Variants in EIF4G3 observed in about 807,000 individuals in gnomAD.
EIF4G3 encodes eukaryotic translation initiation factor 4 gamma 3.
A neutral mutation model predicts 186.4 loss-of-function variants in EIF4G3; 34 were observed. That is an observed-to-expected ratio of 0.18 (90% CI 0.14 to 0.24). EIF4G3 has a LOEUF of 0.24. EIF4G3 is among the 10% of genes least tolerant of loss of function. The pLI is 1.00. For missense variants in EIF4G3, 1,536 were observed against 1,948.5 expected (o/e 0.79, Z 3.99); for synonymous variants, 673 against 679.5 (o/e 0.99, Z 0.15).
At chr1:20,832,101 CAT>C (rs1178229956) in intron 30 of EIF4G3, among the ~76,000 whole-genome samples, 2 of 148,048 alleles carry the variant, frequency 1.4e-5, no homozygotes, top group African/African-American at 2.5e-5. Context: ...CAGCATGATT[CAT>C]AGTCCTTTAG....
intron 4 of EIF4G3, among the ~76,000 whole-genome samples, chr1:21,014,360 T>C (rs2088183640): frequency 6.6e-6 from 1 of 152,192 alleles, no homozygotes; most frequent in Admixed American, 6.5e-5. Context: ...ATGTGCAGCT[T>C]TGTTAAACAG....
chr1:20,840,775 C>A, intron 30 of EIF4G3, 81 bp downstream of exon 30: 2 of 1,326,152 alleles, frequency 1.5e-6, no homozygotes, highest in South Asian at 1.4e-5. Flanking sequence ...AAACTAAATA[C>A]TTAAAGAGGT....
chr1:21,066,540 C>T (rs531500026), intron 3 of EIF4G3, among the ~76,000 whole-genome samples: 1 of 152,198 alleles, frequency 6.6e-6, no homozygotes, highest in Non-Finnish European at 1.5e-5. Context: ...TAAGCAACCA[C>T]AGAATGACAG....
chr1:21,103,262 T>C (rs1019240130), intron 2 of EIF4G3, among the ~76,000 whole-genome samples: 1 of 152,156 alleles, frequency 6.6e-6, no homozygotes, highest in East Asian at 1.9e-4. Flanking sequence ...CCCTCTTCCA[T>C]ACTCTTGACT....
intron 2 of EIF4G3, among the ~76,000 whole-genome samples, chr1:21,173,715 C>T (rs760236111): frequency 9.2e-5 from 14 of 152,218 alleles, no homozygotes; most frequent in Non-Finnish European, 1.8e-4. Context: ...ACTGTCTGAA[C>T]TTATTAATTC....
At chr1:21,077,287 GC>G (rs1460487953) in intron 3 of EIF4G3, among the ~76,000 whole-genome samples, 1 of 151,708 alleles carries the variant, frequency 6.6e-6, no homozygotes, top group African/African-American at 2.4e-5. Context: ...TGTAGTCCCA[GC>G]TACTCAGGAA....
intron 22 of EIF4G3, 29 bp downstream of exon 22, chr1:20,864,447 C>A (rs780721413): frequency 3.4e-5 from 53 of 1,557,916 alleles, no homozygotes; most frequent in Non-Finnish European, 4.2e-5. Flanking sequence ...GGAGCCTTTG[C>A]GAAGGTTTCT....
intron 18 of EIF4G3, among the ~76,000 whole-genome samples, chr1:20,890,454 T>A (rs1445752353): frequency 6.6e-6 from 1 of 152,016 alleles, no homozygotes; most frequent in Non-Finnish European, 1.5e-5. Context: ...TTCTGTCCTG[T>A]TTTTTTGAGA....
intron 2 of EIF4G3, among the ~76,000 whole-genome samples, chr1:21,163,772 G>C (rs981117914): frequency 1.3e-5 from 2 of 151,972 alleles, no homozygotes; most frequent in Non-Finnish European, 2.9e-5. Flanking sequence ...TTTTTTGTTT[G>C]TTTTGTTTTG....
rs187918221 is a variant in EIF4G3, at chr1:21,074,619, C to A, written c.-196+14519G>T. ...AAGAAAATTTCATTACTTTTCCATA[C>A]CAAATAATTCAAACGCATTAAACAG... On this transcript the variant is annotated intron_variant, in intron 3 of 36. Transcript: ENST00000602326. Among the ~76,000 whole-genome samples, 681 of 152,022 alleles carry A rather than the reference C, an allele frequency of 4.5e-3. 5 individuals carry two copies. Among genetic ancestry groups the A allele is most frequent in the African/African-American group, 0.016 (646 of 41,462 alleles).
chr1:20,820,612 T>C (rs2062100273), intron 33 of EIF4G3, among the ~76,000 whole-genome samples: 1 of 152,144 alleles, frequency 6.6e-6, no homozygotes, highest in Non-Finnish European at 1.5e-5. Context: ...TAGGGGCTCA[T>C]GGTGCCTCTT....
intron 3 of EIF4G3, among the ~76,000 whole-genome samples, chr1:21,087,182 T>C (rs2096013539): frequency 6.6e-6 from 1 of 152,204 alleles, no homozygotes; most frequent in South Asian, 2.1e-4. Flanking sequence ...GTATCCTATC[T>C]ATATCCACAG....
chr1:20,981,629 TATAC>T (rs1474254243), intron 8 of EIF4G3, among the ~76,000 whole-genome samples: 1 of 123,294 alleles, frequency 8.1e-6, no homozygotes, highest in Non-Finnish European at 1.7e-5. Flanking sequence ...TACATACATG[TATAC>T]GCACATACTG....
chr1:20,850,231 G>T (rs2072858084), intron 28 of EIF4G3, among the ~76,000 whole-genome samples: 2 of 152,184 alleles, frequency 1.3e-5, no homozygotes, highest in South Asian at 4.1e-4. Flanking sequence ...TGTGCATCTG[G>T]TAAGTGTACA....
intron 30 of EIF4G3, among the ~76,000 whole-genome samples, chr1:20,837,556 C>G (rs2067130976): frequency 6.6e-6 from 1 of 152,160 alleles, no homozygotes; most frequent in African/African-American, 2.4e-5. Context: ...GCGAGCTAGG[C>G]AGAAACTGCT....
chr1:21,084,227 A>C (rs966349999), intron 3 of EIF4G3, among the ~76,000 whole-genome samples: 3 of 151,056 alleles, frequency 2.0e-5, no homozygotes, highest in African/African-American at 7.3e-5. Flanking sequence ...GAGACTGTGT[A>C]ATTTAAAAAA....
At chr1:20,890,539 T>C (rs1042386839) in intron 18 of EIF4G3, among the ~76,000 whole-genome samples, 2 of 152,106 alleles carry the variant, frequency 1.3e-5, no homozygotes, top group Non-Finnish European at 1.5e-5. Flanking sequence ...GTCTCCAACC[T>C]CTGTTTCCCA....
At chr1:21,101,573 A>AAAAAAAAAAAC (rs1300347804) in intron 2 of EIF4G3, among the ~76,000 whole-genome samples, 1 of 140,188 alleles carries the variant, frequency 7.1e-6, no homozygotes, top group Non-Finnish European at 1.6e-5. Flanking sequence ...AAAAAAAAAA[A>AAAAAAAAAAAC]AACAACAAAA....
intron 30 of EIF4G3, among the ~76,000 whole-genome samples, chr1:20,835,791 G>T (rs891104059): frequency 2.0e-5 from 3 of 151,958 alleles, no homozygotes; most frequent in African/African-American, 7.2e-5. Context: ...TAAAAAATCA[G>T]CTGAGCACAG....
Sources: gnomAD v4.1 joint callset for allele counts (sites outside exome capture counted in the v4.1 genomes callset) on GRCh38, gnomAD v4.1.1 for gene constraint, MANE v1.5 for transcripts, NCBI Gene and HGNC (gene_info 2026-07-23, HGNC 2026-07-21) for gene names.